The following CCDC141 variants were observed in gnomAD, a reference collection of about 807,000 sequenced individuals.
CCDC141 encodes coiled-coil domain containing 141.
CCDC141 carries 168 observed loss-of-function variants against 181.0 expected under a neutral mutation model. The ratio of observed to expected loss-of-function variants is 0.93; its 90% confidence interval spans 0.82 to 1.05. The LOEUF is 1.05. Ranked by LOEUF, CCDC141 falls within the 50% of genes least tolerant of loss-of-function variation. CCDC141 has a pLI of 0.00. For missense variants in CCDC141, 1,902 were observed against 1,788.5 expected, an observed-to-expected ratio of 1.06 and a Z score of -1.14; for synonymous variants, 666 against 642.3, an observed-to-expected ratio of 1.04 and a Z score of -0.56.
intron 8 of CCDC141, among the ~76,000 whole-genome samples, chr2:178,904,411 C>G (rs757693495): frequency 4.6e-5 from 7 of 152,114 alleles, no homozygotes; most frequent in Non-Finnish European, 8.8e-5. Context: ...CCCAAAGTTA[C>G]CAAATCAACA....
chr2:178,998,657 T>A lies in CCDC141; in HGVS notation c.226-19982A>T, dbSNP rs538459393. On this transcript the variant is annotated intron_variant, in intron 2 of 23. Transcript: ENST00000443758. ...AATACTGTTGCATGGTCCATTAAAA[T>A]TTTTTTTTCTTCCACTGACTACCAG... Among the ~76,000 whole-genome samples, 542 of 151,954 alleles carry A rather than the reference T, an allele frequency of 3.6e-3. 1 individual carries two copies. The highest frequency in any genetic ancestry group is 5.7e-3 in the Non-Finnish European group (384 of 67,952).
At chr2:178,930,225 A>C (rs1689050529) in intron 6 of CCDC141, among the ~76,000 whole-genome samples, 1 of 152,168 alleles carries the variant, frequency 6.6e-6, no homozygotes, top group African/African-American at 2.4e-5. Context: ...CATCAAAAAA[A>C]GTAAAATACC....
chr2:178,964,176 A>G (rs531432618), intron 4 of CCDC141, among the ~76,000 whole-genome samples: 1 of 152,332 alleles, frequency 6.6e-6, no homozygotes, highest in African/African-American at 2.4e-5. Context: ...AAGAAGTATG[A>G]TGGAGTCTCC....
At chr2:179,028,901 C>T (rs543110851) in intron 2 of CCDC141, among the ~76,000 whole-genome samples, 2 of 152,256 alleles carry the variant, frequency 1.3e-5, no homozygotes, top group South Asian at 2.1e-4. Context: ...AGGCAACCTT[C>T]GTAAAACTCT....
At chr2:178,942,786 C>T (rs980781119) in intron 6 of CCDC141, among the ~76,000 whole-genome samples, 5 of 152,108 alleles carry the variant, frequency 3.3e-5, no homozygotes, top group African/African-American at 1.2e-4. Context: ...AATCTTTATG[C>T]CTTCCTCTCA....
intron 2 of CCDC141, among the ~76,000 whole-genome samples, chr2:179,037,494 T>C (rs1440161854): frequency 6.6e-6 from 1 of 152,244 alleles, no homozygotes; most frequent in East Asian, 1.9e-4. Flanking sequence ...TATGTAAGTA[T>C]AAATAATTCG....
At position 178,961,432 on chromosome 2, in the gene CCDC141, T is replaced by A. The variant is rs1404560382; in HGVS notation, c.578A>T (p.Asp193Val). Residue 193 changes from aspartate to valine, a missense_variant, in exon 5 of 24, where the codon GAC becomes GTC. Asp to Val is a radical substitution (Grantham distance 152). Transcript: ENST00000443758. ...TTCACACTTGAATTTTTCTATGAAG[T>A]CAGTGAGTTGTTGACTTTTGTTTAA... is the stretch of plus-strand genomic sequence containing the variant. ...ALLNKSQQLT[D>V]FIEKFKCEGP... 2 of 1,550,336 alleles carry A rather than the reference T, an allele frequency of 1.3e-6. No homozygotes were observed. Among genetic ancestry groups the A allele is most frequent in the Non-Finnish European group, 8.7e-7 (1 of 1,146,874 alleles).
rs961988315 is a variant in CCDC141 at position 178,831,053 on chromosome 2, A to G, written c.*3120T>C. 13 of 152,152 alleles carry G rather than the reference A, an allele frequency of 8.5e-5. No individual in the cohort carries two copies. The highest frequency in any genetic ancestry group is 2.9e-4 in the African/African-American group (12 of 41,436). The allele number at this position is 152,152 out of a possible 1,614,324, so 9.4% of individuals were successfully genotyped here. On this transcript the variant is annotated 3_prime_UTR_variant, in exon 24 of 24. Transcript: ENST00000443758. The stretch of plus-strand genomic sequence containing the variant: ...AGTTAGAAGGGTCTTGTAGTCATCT[A>G]TTTTAAGTATGTGTCTTGATTATGA...
intron 2 of CCDC141, among the ~76,000 whole-genome samples, chr2:178,988,277 C>A (rs1282139603): frequency 7.4e-6 from 1 of 135,096 alleles, no homozygotes; most frequent in Non-Finnish European, 1.5e-5. Context: ...AGTGAGATCA[C>A]ATGGACACAG....
intron 7 of CCDC141, among the ~76,000 whole-genome samples, chr2:178,910,112 A>T (rs1016186631): frequency 2.6e-5 from 4 of 152,054 alleles, no homozygotes; most frequent in Non-Finnish European, 5.9e-5. Context: ...TTCCTTTTTC[A>T]CTTGTTTAGT....
chr2:178,990,477 C>A (rs1406942798), intron 2 of CCDC141, among the ~76,000 whole-genome samples: 6 of 148,546 alleles, frequency 4.0e-5, no homozygotes, highest in African/African-American at 1.5e-4. Context: ...TGTACTATAT[C>A]CATATGAAGG....
Position 178,833,173 on chromosome 2 carries a change from T to TA in CCDC141, c.*999dup, listed in dbSNP as rs910861742. ...ACAGCACTCCTTTAATTTAATATTCTAAAAAAACAGCATCTAAAAAAAAAG... is the reference window on the plus strand; with the variant it reads ...ACAGCACTCCTTTAATTTAATATTCTAAAAAAAACAGCATCTAAAAAAAAAG... On this transcript the variant is annotated 3_prime_UTR_variant, in exon 24 of 24. Coordinates refer to ENST00000443758, the MANE Select transcript of CCDC141 (RefSeq NM_173648.4). 5.9e-5 allele frequency: 9 copies of TA among 152,076 alleles called. No homozygotes were observed. The highest frequency in any genetic ancestry group is 1.9e-4 in the African/African-American group (8 of 41,426). The allele number at this position is 152,076 out of a possible 1,614,324, so 9.4% of individuals were successfully genotyped here.
chr2:178,825,634 A>C (rs1473221675), downstream of CCDC141: 3 of 98,656 alleles, frequency 3.0e-5, no homozygotes, highest in Non-Finnish European at 5.6e-5. Flanking sequence ...ACCCCCCACC[A>C]AAATATCAGA....
chr2:178,982,846 G>A (rs866325839), intron 2 of CCDC141, among the ~76,000 whole-genome samples: 1 of 152,206 alleles, frequency 6.6e-6, no homozygotes, highest in African/African-American at 2.4e-5. Flanking sequence ...TGCTAGCACA[G>A]TAGTCTGAGA....
intron 8 of CCDC141, among the ~76,000 whole-genome samples, chr2:178,901,148 T>A (rs1687667746): frequency 1.3e-5 from 2 of 152,076 alleles, no homozygotes; most frequent in African/African-American, 4.8e-5. Context: ...TTCAGCTACA[T>A]GGTGATCTCC....
intron 6 of CCDC141, among the ~76,000 whole-genome samples, chr2:178,923,339 C>T (rs1688785890): frequency 1.3e-5 from 2 of 151,960 alleles, no homozygotes; most frequent in East Asian, 1.9e-4. Context: ...CTCCTGACCT[C>T]GTGATCCGCC....
chr2:178,887,042 A>T (rs1021436244), intron 9 of CCDC141, among the ~76,000 whole-genome samples, 171 bp from the exon 10 acceptor site: 1 of 152,230 alleles, frequency 6.6e-6, no homozygotes, highest in Non-Finnish European at 1.5e-5. Flanking sequence ...TGTTTTAATA[A>T]CGCTGCTCTT....
chr2:178,829,458 T>C (rs1336068552), downstream of CCDC141, among the ~76,000 whole-genome samples: 3 of 152,230 alleles, frequency 2.0e-5, no homozygotes, highest in East Asian at 1.9e-4. Flanking sequence ...TGGTTCATGA[T>C]GTTATACAAA....
intron 6 of CCDC141, among the ~76,000 whole-genome samples, chr2:178,932,852 C>T (rs1689152473): frequency 6.6e-6 from 1 of 152,134 alleles, no homozygotes; most frequent in South Asian, 2.1e-4. Flanking sequence ...GACAATTATG[C>T]ATTTAAATTA....
Sources: gnomAD v4.1 joint callset for allele counts (sites outside exome capture counted in the v4.1 genomes callset) on GRCh38, gnomAD v4.1.1 for gene constraint, MANE v1.5 for transcripts, NCBI Gene and HGNC (gene_info 2026-07-23, HGNC 2026-07-21) for gene names.